Variants in MID1 observed in about 807,000 individuals in gnomAD.
MID1 encodes midline 1, also known as E3 ubiquitin-protein ligase Midline-1.
A neutral mutation model predicts 40.4 loss-of-function variants in MID1; 7 were observed. That is an observed-to-expected ratio of 0.17 (90% CI 0.10 to 0.33). The LOEUF is 0.33. MID1 is among the 10% of genes least tolerant of loss of function. The probability of loss-of-function intolerance (pLI) is 1.00; values close to 1 mark genes in which losing one functional copy is unlikely to be tolerated. For synonymous variants in MID1, 229 were observed against 221.2 expected (o/e 1.04, Z -0.31); for missense variants, 367 against 558.5 (o/e 0.66, Z 3.46).
At chrX:10,676,432 TAAAGC>T (rs997032934) in intron 1 of MID1, among the ~76,000 whole-genome samples, 12 of 111,654 alleles carry the variant, frequency 1.1e-4, no homozygotes, top group African/African-American at 3.9e-4. Flanking sequence ...TGCGCTTCAG[TAAAGC>T]AATTACAGTA....
intron 1 of MID1, among the ~76,000 whole-genome samples, chrX:10,732,311 CTAAA>C (rs1466358843): frequency 1.8e-5 from 2 of 111,633 alleles, no homozygotes; most frequent in East Asian, 5.6e-4. Context: ...AAGGCATCTA[CTAAA>C]TAATTACACT....
chrX:10,474,945 G>A (rs1461969216), intron 5 of MID1, 195 bp from the exon 6 acceptor site: 1 of 488,479 alleles, frequency 2.0e-6, no homozygotes, highest in South Asian at 2.5e-5. Flanking sequence ...AAAAGTGAAG[G>A]AATTGGAGAA....
At chrX:10,538,004 C>T (rs1183771122) in intron 2 of MID1, among the ~76,000 whole-genome samples, 1 of 111,712 alleles carries the variant, frequency 9.0e-6, no homozygotes, top group African/African-American at 3.3e-5. Context: ...CAGTGTCTCA[C>T]TTTGTCACCC....
intron 1 of MID1, among the ~76,000 whole-genome samples, chrX:10,606,730 G>A (rs1935631811): frequency 9.3e-6 from 1 of 107,962 alleles, no homozygotes; most frequent in South Asian, 3.8e-4. Flanking sequence ...TGTTCAATTT[G>A]TGTTTTATTT....
At chrX:10,794,519 T>C (rs760373836) in intron 1 of MID1, among the ~76,000 whole-genome samples, 60 of 112,210 alleles carry the variant, frequency 5.3e-4, no homozygotes, top group African/African-American at 1.8e-3. Flanking sequence ...CTAAGGAACT[T>C]GAACTGAGTG....
At chrX:10,565,154 A>G (rs1934481136) in intron 2 of MID1, 1 of 329,607 alleles carries the variant, frequency 3.0e-6, no homozygotes, top group African/African-American at 2.7e-5. Flanking sequence ...GCTGCCATGC[A>G]CTGTTCTGGA....
At position 10,498,216 on chromosome X, in the gene MID1, C is replaced by G. The variant is rs553889328; in HGVS notation, c.757-2525G>C. On this transcript the variant is annotated intron_variant, in intron 3 of 9. Transcript: ENST00000317552. ...CCTCTCAGGCTCAAGCAATCCTCCC[C>G]CTTCAGTCTCCTGAGTAGCTGGGAC... 4.3e-4 allele frequency among the ~76,000 whole-genome samples: 48 copies of G among 112,203 alleles called. No individual in the cohort carries two copies. The South Asian group carries it at 0.018, about 41-fold the overall frequency.
chrX:10,557,921 C>T (rs977191230), intron 2 of MID1, among the ~76,000 whole-genome samples: 11 of 111,322 alleles, frequency 9.9e-5, no homozygotes, highest in African/African-American at 3.6e-4. Flanking sequence ...CTTCTTTCTG[C>T]CAATTAAAAG....
chrX:10,572,219 C>CACAT lies in MID1; in HGVS notation c.-56-4617_-56-4616insATGT, dbSNP rs1555906320. On this transcript the variant is annotated intron_variant, in intron 1 of 9. Coordinates refer to ENST00000317552, the MANE Select transcript of MID1 (RefSeq NM_000381.4). ...ACACACACACACACACACACACACA[C>CACAT]ATATATATATAGCTTACATTGTTAT... Among the ~76,000 whole-genome samples the CACAT allele has an allele frequency of 1.5e-3, 153 of 100,670 alleles. 1 individual carries two copies. The highest frequency in any genetic ancestry group is 2.6e-3 in the African/African-American group (67 of 25,550). 87.4% of individuals were successfully genotyped at this position (100,670 alleles called of 115,157 possible). A position where few individuals can be genotyped will look rare whatever the true frequency, so the allele number is the denominator to read the frequency against.
intron 1 of MID1, among the ~76,000 whole-genome samples, chrX:10,825,259 A>G (rs907510873): frequency 6.3e-5 from 7 of 111,643 alleles, no homozygotes; most frequent in African/African-American, 1.9e-4. Context: ...AAGGGAAGCT[A>G]ATACCTTGAT....
At position 10,482,525 on chromosome X, in the gene MID1, T is replaced by G. The variant is rs1602284534; in HGVS notation, c.968A>C (p.Asn323Thr). ...AGTCTGTAGGAAACGCGCATGATCA[T>G]TCTCCTTCAGAGAGTGTTCCGCTTG... ...ISQAEHSLKENDHARFLQTAK... is the reference protein window; with the variant it reads ...ISQAEHSLKETDHARFLQTAK... Residue 323 changes from asparagine (N) to threonine (T), a missense_variant, in exon 5 of 10, where the codon AAT becomes ACT. Coordinates refer to ENST00000317552, the MANE Select transcript of MID1 (RefSeq NM_000381.4). 5.8e-6 allele frequency: 7 copies of G among 1,210,967 alleles called. No homozygotes were observed.
At chrX:10,706,071 C>T (rs1007409006) in intron 1 of MID1, among the ~76,000 whole-genome samples, 3 of 111,090 alleles carry the variant, frequency 2.7e-5, no homozygotes, top group Non-Finnish European at 5.7e-5. Flanking sequence ...TGTTTAGCAG[C>T]ATCTCTGGTT....
chrX:10,729,289 G>T (rs775744730), intron 1 of MID1, among the ~76,000 whole-genome samples: 1 of 112,025 alleles, frequency 8.9e-6, no homozygotes, highest in African/African-American at 3.2e-5. Context: ...TGCTAAAGCA[G>T]AGGCTGACCA....
chrX:10,825,818 T>C (rs2044211992), intron 1 of MID1, among the ~76,000 whole-genome samples: 1 of 111,707 alleles, frequency 9.0e-6, no homozygotes, highest in African/African-American at 3.3e-5. Flanking sequence ...CAGGAAGTTA[T>C]TGAAAATAGC....
rs1198201874 is a variant in MID1 at position 10,786,422 on chromosome X, G to A, written c.-187+47132C>T. 3.6e-5 allele frequency among the ~76,000 whole-genome samples: 4 copies of A among 111,010 alleles called. No individual in the cohort carries two copies. In the East Asian group the frequency reaches 1.1e-3, roughly 31 times the overall value. On this transcript the variant is annotated intron_variant, in intron 1 of 10. Transcript: ENST00000380785. ...GAAGTCAGTGTGGCGATTCCTCAGG[G>A]ATCTACAACTAGAAATACCATTTGA... is the stretch of plus-strand genomic sequence containing the variant.
chrX:10,680,758 G>A (rs1025082613), intron 1 of MID1, among the ~76,000 whole-genome samples: 3 of 110,772 alleles, frequency 2.7e-5, no homozygotes, highest in Non-Finnish European at 3.8e-5. Context: ...AAGGTGGCTG[G>A]GCACGGTGGC....
At chrX:10,684,022 G>C (rs985007428) in intron 1 of MID1, among the ~76,000 whole-genome samples, 11 of 109,368 alleles carry the variant, frequency 1.0e-4, no homozygotes, top group African/African-American at 3.7e-4. Context: ...CACTTGCCTC[G>C]GCCTCCCAAA....
chrX:10,777,631 C>T (rs1247852937), intron 1 of MID1, among the ~76,000 whole-genome samples: 4 of 109,339 alleles, frequency 3.7e-5, no homozygotes, highest in Non-Finnish European at 7.6e-5. Flanking sequence ...ACCTCCACCT[C>T]CCAGGTTCAA....
At position 10,790,655 on chromosome X, in the gene MID1, G is replaced by A. The variant is rs2043923881; in HGVS notation, c.-187+42899C>T. ...TCCCTTATTCCTACAGCTGATGCAAGTCTCTGGGCAAGTCAGCATCTCTCC... is the reference window on the plus strand; with the variant it reads ...TCCCTTATTCCTACAGCTGATGCAAATCTCTGGGCAAGTCAGCATCTCTCC... On this transcript the variant is annotated intron_variant, in intron 1 of 10. Coordinates refer to the MID1 transcript ENST00000380785. Among the ~76,000 whole-genome samples the A allele has an allele frequency of 2.7e-5, 3 of 111,252 alleles. No homozygotes were observed. In the South Asian group the frequency reaches 1.1e-3, roughly 42 times the overall value.
Sources: allele counts gnomAD v4.1 joint callset (sites outside exome capture counted in the v4.1 genomes callset), GRCh38; gene constraint gnomAD v4.1.1; transcripts MANE v1.5; gene names NCBI Gene and HGNC (gene_info 2026-07-23, HGNC 2026-07-21).